Variants in TYW1B observed in about 807,000 individuals in gnomAD.
TYW1B encodes tRNA-yW synthesizing protein 1 homolog B.
Under a neutral mutation model 86.9 loss-of-function variants are expected in TYW1B, and 73 were observed. The observed-to-expected ratio is 0.84, with a 90% CI of 0.70 to 1.02. TYW1B has a LOEUF of 1.02. Among genes scored for constraint, TYW1B ranks in the 50% least tolerant of loss-of-function variants. TYW1B has a pLI of 0.00. For missense variants in TYW1B, 637 were observed against 827.4 expected, an observed-to-expected ratio of 0.77 and a Z score of 2.82; for synonymous variants, 248 against 292.8, an observed-to-expected ratio of 0.85 and a Z score of 1.56.
At chr7:72,629,384 T>C (rs1210490942) in intron 11 of TYW1B, among the ~76,000 whole-genome samples, 11 of 152,148 alleles carry the variant, frequency 7.2e-5, no homozygotes, top group East Asian at 5.8e-4. Context: ...ATCACCCAAG[T>C]TGTTAGTGAC....
rs573552168 is a variant in TYW1B, at chr7:72,708,593, A to G, written c.1370+5028T>C. Among the ~76,000 whole-genome samples, 411 of 152,314 alleles carry G rather than the reference A, an allele frequency of 2.7e-3. 1 individual carries two copies. Among genetic ancestry groups the G allele is most frequent in the African/African-American group, 8.9e-3 (371 of 41,572 alleles). ...ACATTAAAGGAAACTTCCAAAATAC[A>G]TGGCCTCTGTGTCCTATTAGTTAAT... On this transcript the variant is annotated intron_variant, in intron 10 of 13. Coordinates refer to ENST00000620995, the MANE Select transcript of TYW1B (RefSeq NM_001145440.3).
At chr7:72,683,871 T>G (rs1323943939) in intron 11 of TYW1B, among the ~76,000 whole-genome samples, 1 of 152,086 alleles carries the variant, frequency 6.6e-6, no homozygotes, top group Non-Finnish European at 1.5e-5. Context: ...AGATGGACAA[T>G]GTAAACAGAG....
chr7:72,684,201 T>C (rs1348364138), intron 11 of TYW1B, among the ~76,000 whole-genome samples: 3 of 152,072 alleles, frequency 2.0e-5, no homozygotes, highest in South Asian at 2.1e-4. Context: ...CATGTTAATG[T>C]CAGGCCCCAA....
At chr7:72,707,611 T>A (rs1277862316) in intron 10 of TYW1B, among the ~76,000 whole-genome samples, 1 of 152,218 alleles carries the variant, frequency 6.6e-6, no homozygotes, top group Non-Finnish European at 1.5e-5. Flanking sequence ...AACAAAAGCA[T>A]AAAGCTACTC....
intron 7 of TYW1B, among the ~76,000 whole-genome samples, chr7:72,760,564 A>G (rs914049497): frequency 1.3e-5 from 2 of 152,324 alleles, no homozygotes; most frequent in East Asian, 3.9e-4. Context: ...TCTACATTGT[A>G]TAACTTGGCA....
At chr7:72,582,019 T>C (rs758613696) in intron 13 of TYW1B, among the ~76,000 whole-genome samples, 13 of 152,104 alleles carry the variant, frequency 8.5e-5, no homozygotes, top group Non-Finnish European at 1.8e-4. Context: ...TTCACCTGCC[T>C]AGGCCTCCCA....
intron 7 of TYW1B, among the ~76,000 whole-genome samples, chr7:72,751,860 T>C (rs1054992282): frequency 3.9e-5 from 6 of 152,242 alleles, no homozygotes; most frequent in African/African-American, 1.4e-4. Flanking sequence ...TCAGAACCTT[T>C]GCAGTGTAAT....
intron 9 of TYW1B, among the ~76,000 whole-genome samples, chr7:72,722,281 T>C (rs1786918738): frequency 6.6e-6 from 1 of 152,206 alleles, no homozygotes; most frequent in African/African-American, 2.4e-5. Flanking sequence ...GCCTAAAGTA[T>C]AGATAAAAAC....
At chr7:72,611,015 C>G (rs1490609434) in intron 13 of TYW1B, among the ~76,000 whole-genome samples, 1 of 152,178 alleles carries the variant, frequency 6.6e-6, no homozygotes, top group African/African-American at 2.4e-5. Flanking sequence ...CAACCCTTCT[C>G]TTGACCTTCA....
At chr7:72,745,582 G>T (rs566811678) in intron 7 of TYW1B, among the ~76,000 whole-genome samples, 1 of 152,054 alleles carries the variant, frequency 6.6e-6, no homozygotes, top group South Asian at 2.1e-4. Flanking sequence ...AGATGAGCTT[G>T]ATTTCAGTAC....
intron 8 of TYW1B, among the ~76,000 whole-genome samples, chr7:72,740,350 A>G (rs1443780708): frequency 6.6e-6 from 1 of 151,944 alleles, no homozygotes; most frequent in African/African-American, 2.4e-5. Context: ...CAGTGGGCCA[A>G]GATTCCACCA....
In TYW1B at chr7:72,676,222, G is replaced by A. The variant is rs148742685; in HGVS notation, c.1506+18465C>T. Among the ~76,000 whole-genome samples the A allele has an allele frequency of 6.0e-3, 919 of 152,246 alleles. 12 individuals are homozygous for A. Among genetic ancestry groups the A allele is most frequent in the African/African-American group, 0.021 (873 of 41,542 alleles). ...ATACCATGAAGCCAAACAGCTCTGT[G>A]ACCTTCAATTTCCTCGTCTGTAAAA... On this transcript the variant is annotated intron_variant, in intron 11 of 13. Transcript: ENST00000620995.
At chr7:72,607,049 G>A (rs782322837) in intron 13 of TYW1B, among the ~76,000 whole-genome samples, 10 of 152,152 alleles carry the variant, frequency 6.6e-5, no homozygotes, top group Non-Finnish European at 1.5e-4. Context: ...ATCTGATTAA[G>A]ATTTTAAAGC....
At chr7:72,633,350 T>A (rs184934510) in intron 11 of TYW1B, among the ~76,000 whole-genome samples, 25 of 152,330 alleles carry the variant, frequency 1.6e-4, no homozygotes, top group African/African-American at 6.0e-4. Context: ...GCCCTTGAAT[T>A]CTTTACTGGA....
chr7:72,587,602 A>C (rs1353727724), intron 13 of TYW1B, among the ~76,000 whole-genome samples: 2 of 152,120 alleles, frequency 1.3e-5, no homozygotes, highest in Non-Finnish European at 2.9e-5. Context: ...TGATCCATCA[A>C]GTGCAAGGTC....
intron 11 of TYW1B, among the ~76,000 whole-genome samples, chr7:72,659,020 C>T (rs1321590435): frequency 6.6e-6 from 1 of 152,190 alleles, no homozygotes; most frequent in African/African-American, 2.4e-5. Flanking sequence ...CACACCCACC[C>T]ATAAACATAA....
Position 72,695,743 on chromosome 7 carries a change from C to T in TYW1B, c.1371-921G>A, listed in dbSNP as rs1229623531. On this transcript the variant is annotated intron_variant, in intron 10 of 13. Transcript: ENST00000620995. ...AAGTAGCTGGGACCACATGCATGTG[C>T]CACCACGCCCGGCTAATTTTTAAAA... Among the ~76,000 whole-genome samples, 10 of 151,964 alleles carry T rather than the reference C, an allele frequency of 6.6e-5. 1 individual carries two copies. The highest frequency in any genetic ancestry group is 1.5e-5 in the Non-Finnish European group (1 of 68,000).
chr7:72,607,688 G>A (rs1554435134), intron 13 of TYW1B, among the ~76,000 whole-genome samples: 1 of 151,882 alleles, frequency 6.6e-6, no homozygotes, highest in African/African-American at 2.4e-5. Flanking sequence ...AACAAACAAA[G>A]CCTCAGATAC....
intron 13 of TYW1B, among the ~76,000 whole-genome samples, chr7:72,611,076 C>A (rs1811922541): frequency 6.6e-6 from 1 of 152,080 alleles, no homozygotes; most frequent in Non-Finnish European, 1.5e-5. Flanking sequence ...CCGTGCTTCT[C>A]CTTTGGACCT....
Sources: gnomAD v4.1 joint callset for allele counts (sites outside exome capture counted in the v4.1 genomes callset) on GRCh38, gnomAD v4.1.1 for gene constraint, MANE v1.5 for transcripts, NCBI Gene and HGNC (gene_info 2026-07-23, HGNC 2026-07-21) for gene names.